Variants in PZP observed in about 807,000 individuals in gnomAD.
The protein encoded by PZP is pregnancy zone protein.
PZP carries 150 observed loss-of-function variants against 179.8 expected under a neutral mutation model. That is an observed-to-expected ratio of 0.83 (90% CI 0.73 to 0.96). The LOEUF (loss-of-function observed/expected upper bound fraction) is 0.96, where lower values mean the gene tolerates loss of function less well. PZP is among the 40% of genes least tolerant of loss of function. The pLI is 0.00. For missense variants in PZP, 1,689 were observed against 1,764.0 expected (o/e 0.96, Z 0.76); for synonymous variants, 624 against 652.3 (o/e 0.96, Z 0.66).
In PZP at chr12:9,157,845, T is replaced by C; in HGVS notation, c.3295-4A>G. 6.2e-7 allele frequency: 1 copy of C among 1,611,612 alleles called. No individual in the cohort carries two copies. The highest frequency in any genetic ancestry group is 8.5e-7 in the Non-Finnish European group (1 of 1,177,814). On this transcript the variant is annotated splice_polypyrimidine_tract_variant and splice_region_variant and intron_variant, in intron 26 of 35. Transcript: ENST00000261336. The stretch of plus-strand genomic sequence containing the variant: ...TCGCTTCATCTTCTACACCTCCCTG[T>C]GAATACAACATTGATTTGATTAATT...
At chr12:9,186,471 A>G (rs1225680204) in intron 13 of PZP, among the ~76,000 whole-genome samples, 2 of 152,202 alleles carry the variant, frequency 1.3e-5, no homozygotes, top group African/African-American at 2.4e-5. Flanking sequence ...AGCCAGATGA[A>G]GAAGCAAGAC....
At chr12:9,151,485 C>A in intron 33 of PZP, 119 bp downstream of exon 33, 1 of 725,008 alleles carries the variant, frequency 1.4e-6, no homozygotes, top group Admixed American at 2.7e-5. Flanking sequence ...AATAGATAAA[C>A]CTTTCTGGAA....
At chr12:9,148,821 T>C (rs1437046778), downstream of PZP, 4 of 637,160 alleles carry the variant, frequency 6.3e-6, no homozygotes, top group African/African-American at 5.6e-5. Flanking sequence ...GTCTGATGAA[T>C]GAATGATGCA....
Position 9,152,907 on chromosome 12 carries a change from T to C in PZP, c.4038A>G (p.Pro1346=). Residue 1346 remains proline (P), a synonymous_variant, in exon 31 of 36, where the codon CCA becomes CCG. Transcript: ENST00000261336. ...YNILPEKEDS[P]FALKVQTVPQ... is the part of the protein sequence containing the mutation. ...GCACAGTCTGCACTTTTAAAGCAAA[T>C]GGGGAGTCCTCTTTCTCTGGAAGAA... 6.2e-7 allele frequency: 1 copy of C among 1,614,144 alleles called. No individual in the cohort carries two copies. Among genetic ancestry groups the C allele is most frequent in the Non-Finnish European group, 8.5e-7 (1 of 1,180,006 alleles).
At chr12:9,167,675 G>C (rs1464449722) in intron 17 of PZP, 1 of 152,062 alleles carries the variant, frequency 6.6e-6, no homozygotes, top group African/African-American at 2.4e-5. Flanking sequence ...TCATATACCT[G>C]ATTCATTTAT....
chr12:9,160,625 C>A, intron 23 of PZP, 135 bp from the exon 24 acceptor site: 1 of 814,460 alleles, frequency 1.2e-6, no homozygotes, highest in African/African-American at 1.7e-5. Flanking sequence ...GTGTGACTTC[C>A]AGAATCCTAA....
chr12:9,202,235 C>G, intron 4 of PZP, 84 bp downstream of exon 4: 2 of 1,249,982 alleles, frequency 1.6e-6, no homozygotes, highest in Non-Finnish European at 1.2e-6. Context: ...TTCATCCTCT[C>G]GCTTTTCTTG....
In PZP at chr12:9,203,919, T is replaced by C. The variant is rs1230959584; in HGVS notation, c.116A>G (p.His39Arg). 3 of 1,614,000 alleles carry C rather than the reference T, an allele frequency of 1.9e-6. No homozygotes were observed. The highest frequency in any genetic ancestry group is 2.5e-6 in the Non-Finnish European group (3 of 1,179,878). ...QYMVLVPSLL[H>R]TEAPKKGCVL... ...ACAGCCCTTCTTAGGGGCCTCAGTGTGGAGCAGGGAGGGGACCAGCACCAT... is the reference window on the plus strand; with the variant it reads ...ACAGCCCTTCTTAGGGGCCTCAGTGCGGAGCAGGGAGGGGACCAGCACCAT... Residue 39 changes from histidine (H) to arginine (R), a missense_variant, in exon 2 of 36, where the codon CAC becomes CGC. Around this residue, in one of 3 missense-constraint regions of PZP, gnomAD observed 742 missense variants for 730.5 expected, o/e 1.02. Coordinates refer to ENST00000261336, the MANE Select transcript of PZP (RefSeq NM_002864.3).
rs1173371534 is a variant in PZP at position 9,165,182 on chromosome 12, G to A, written c.2444C>T (p.Thr815Ile). The change falls in exon 19 of 36, where the codon ACA (threonine) becomes ATA (isoleucine). Residue 815 changes from threonine (T) to isoleucine (I), a missense_variant. By Grantham distance (89) the Thr-to-Ile change is moderately conservative. Coordinates refer to ENST00000261336, the MANE Select transcript of PZP (RefSeq NM_002864.3). Reference sequence around the variant, plus strand: ...GTAGTTTAGGACCGTGGCCTTGAGTGTGAAGACCTCTCCACGAATCACAGA... The same window carrying A: ...GTAGTTTAGGACCGTGGCCTTGAGTATGAAGACCTCTCCACGAATCACAGA... ...PYSVIRGEVF[T>I]LKATVLNYLP... is the part of the protein sequence containing the mutation. 6.2e-7 allele frequency: 1 copy of A among 1,614,120 alleles called. No individual in the cohort carries two copies. The highest frequency in any genetic ancestry group is 2.2e-5 in the East Asian group (1 of 44,888).
intron 4 of PZP, 57 bp downstream of exon 4, chr12:9,202,262 T>A: frequency 6.9e-7 from 1 of 1,441,608 alleles, no homozygotes; most frequent in Non-Finnish European, 9.8e-7. Context: ...TCTACCTCAC[T>A]CTGGGTGAGT....
the PZP span, among the ~76,000 whole-genome samples, chr12:9,140,735 G>C: frequency 6.6e-5 from 10 of 152,166 alleles, no homozygotes; most frequent in Non-Finnish European, 1.2e-4. Context: ...AAGATAACTT[G>C]GGGGTACTGG....
chr12:9,181,867 T>C, intron 14 of PZP, 108 bp downstream of exon 14: 2 of 1,250,302 alleles, frequency 1.6e-6, no homozygotes, highest in Non-Finnish European at 2.2e-6. Context: ...TGGGAACTGT[T>C]GGGCAACTCA....
downstream of PZP, among the ~76,000 whole-genome samples, chr12:9,148,095 A>C (rs1008910319): frequency 6.6e-6 from 1 of 152,186 alleles, no homozygotes; most frequent in South Asian, 2.1e-4. Flanking sequence ...GATGTTTAAA[A>C]ATTACTTTAG....
Position 9,163,719 on chromosome 12 carries a change from C to T in PZP, c.2685G>A (p.Glu895=). ...TGTCTTTTCTTTTAATCTCAGGGAC[C>T]TCAACAACCTCATTTCCACAGAGTT... is the stretch of plus-strand genomic sequence containing the variant. ...SLELCGNEVV[E]VPEIKRKDTV... Residue 895 remains glutamate (E), a synonymous_variant, in exon 21 of 36, where the codon GAG becomes GAA. Coordinates refer to ENST00000261336, the MANE Select transcript of PZP (RefSeq NM_002864.3). 6 of 1,613,936 alleles carry T rather than the reference C, an allele frequency of 3.7e-6. No individual in the cohort carries two copies. The highest frequency in any genetic ancestry group is 1.1e-5 in the South Asian group (1 of 91,072).
At chr12:9,153,722 G>A (rs1455249918) in intron 29 of PZP, among the ~76,000 whole-genome samples, 1 of 152,138 alleles carries the variant, frequency 6.6e-6, no homozygotes, top group Non-Finnish European at 1.5e-5. Context: ...AATGGTATGA[G>A]ACAAGTTGCA....
At chr12:9,160,954 A>C (rs1020558954) in intron 23 of PZP, 79 bp downstream of exon 23, 1 of 1,203,880 alleles carries the variant, frequency 8.3e-7, no homozygotes, top group Non-Finnish European at 1.2e-6. Context: ...AGAACTTGAT[A>C]ATTCAAATAC....
intron 13 of PZP, among the ~76,000 whole-genome samples, chr12:9,184,615 G>T (rs1942988030): frequency 1.3e-5 from 2 of 152,236 alleles, no homozygotes; most frequent in Admixed American, 6.5e-5. Context: ...AATGAGGAGG[G>T]ATCCCACTGC....
rs998995836 is a variant in PZP at position 9,196,555 on chromosome 12, C to T, written c.982+16G>A. On this transcript the variant is annotated intron_variant, in intron 9 of 35. Coordinates refer to ENST00000261336, the MANE Select transcript of PZP (RefSeq NM_002864.3). The stretch of plus-strand genomic sequence containing the variant: ...AAACTATTGTTTTATTTCCCATATT[C>T]GTTCATTACTCACACCTGTCCCCTC... 8.2e-6 allele frequency: 13 copies of T among 1,583,398 alleles called. No homozygotes were observed. The highest frequency in any genetic ancestry group is 1.3e-5 in the African/African-American group (1 of 74,166).
downstream of PZP, among the ~76,000 whole-genome samples, chr12:9,144,811 A>C (rs1482132214): frequency 6.6e-6 from 1 of 152,118 alleles, no homozygotes; most frequent in Non-Finnish European, 1.5e-5. Flanking sequence ...TGGGGCAGGC[A>C]TATCTCTGGT....
Sources: allele counts gnomAD v4.1 joint callset (sites outside exome capture counted in the v4.1 genomes callset), GRCh38; gene constraint gnomAD v4.1.1; regional missense constraint gnomAD v4.1.1; transcripts MANE v1.5; gene names NCBI Gene and HGNC (gene_info 2026-07-23, HGNC 2026-07-21).